The following TICRR variants were observed in gnomAD, a reference collection of about 807,000 sequenced individuals.
TICRR encodes TOPBP1 interacting checkpoint and replication regulator, also known as treslin.
In TICRR, 132 loss-of-function variants were observed where a neutral mutation model predicts 178.1. The observed-to-expected ratio is 0.74, with a 90% CI of 0.64 to 0.86. The LOEUF is 0.86. TICRR is among the 40% of genes least tolerant of loss of function. TICRR has a pLI of 0.00. For synonymous variants in TICRR, 991 were observed against 900.7 expected (o/e 1.10, Z -1.79); for missense variants, 2,587 against 2,334.3 (o/e 1.11, Z -2.23).
intron 5 of TICRR, 43 bp from the exon 6 acceptor site, chr15:89,594,372 A>G: frequency 6.7e-7 from 1 of 1,497,972 alleles, no homozygotes; most frequent in Non-Finnish European, 9.0e-7. Flanking sequence ...GCATTTTGCA[A>G]AATTAGAATG....
At chr15:89,613,926 G>C (rs1258566616) in intron 15 of TICRR, among the ~76,000 whole-genome samples, 3 of 151,848 alleles carry the variant, frequency 2.0e-5, no homozygotes, top group Admixed American at 6.6e-5. Flanking sequence ...AGGCCAAGGC[G>C]GGTGGATCAC....
chr15:89,611,000 G>A (rs1319741347), intron 15 of TICRR, among the ~76,000 whole-genome samples: 1 of 151,080 alleles, frequency 6.6e-6, no homozygotes, highest in Non-Finnish European at 1.5e-5. Context: ...GTTGTAGACT[G>A]CATCTTTATA....
At chr15:89,586,942 C>T (rs1056104746) in intron 4 of TICRR, among the ~76,000 whole-genome samples, 1 of 152,050 alleles carries the variant, frequency 6.6e-6, no homozygotes, top group African/African-American at 2.4e-5. Flanking sequence ...CACCATCTGA[C>T]TTATGTTTTA....
chr15:89,625,889 G>T (rs199510924), intron 20 of TICRR, 47 bp from the exon 21 acceptor site: 158 of 1,543,698 alleles, frequency 1.0e-4, no homozygotes, highest in Middle Eastern at 3.8e-4. Context: ...TGGGCTTCCC[G>T]GTTGGGGGTC....
At chr15:89,606,230 C>T (rs1365123706) in intron 13 of TICRR, among the ~76,000 whole-genome samples, 3 of 152,116 alleles carry the variant, frequency 2.0e-5, no homozygotes, top group Admixed American at 2.0e-4. Flanking sequence ...CTTTTTCCTC[C>T]CTATCACAGA....
rs117535978 is a variant in TICRR at position 89,612,314 on chromosome 15, G to A, written c.2869+3365G>A. ...TTCAAGAAACGAGGAGGGGGAAGGT[G>A]TGTCTGTCCCTTAAACTTCTGATAA... On this transcript the variant is annotated intron_variant, in intron 15 of 21. Transcript: ENST00000268138. Among the ~76,000 whole-genome samples the A allele has an allele frequency of 1.7e-3, 261 of 152,292 alleles. 3 individuals are homozygous for A. In the East Asian group the frequency reaches 0.043, roughly 25 times the overall value.
Position 89,595,523 on chromosome 15 carries a change from G to A in TICRR, c.1812G>A (p.Gly604=), listed in dbSNP as rs1213076786. Reference sequence around the variant, plus strand: ...CAGATGGCAGTCCGGATGTGGCTGGGGAGAAAGGAATCCAAAAGATACCTA... The same window carrying A: ...CAGATGGCAGTCCGGATGTGGCTGGAGAGAAAGGAATCCAAAAGATACCTA... ...LHPDGSPDVA[G]EKGIQKIPSG... is the part of the protein sequence containing the mutation. Residue 604 remains glycine (G), a synonymous_variant, in exon 7 of 22, where the codon GGG becomes GGA. Coordinates refer to ENST00000268138, the MANE Select transcript of TICRR (RefSeq NM_152259.4). 5 of 1,614,152 alleles carry A rather than the reference G, an allele frequency of 3.1e-6. No individual in the cohort carries two copies. Among genetic ancestry groups the A allele is most frequent in the Admixed American group, 3.3e-5 (2 of 60,010 alleles).
chr15:89,581,420 GTT>G (rs1190883301), intron 1 of TICRR, among the ~76,000 whole-genome samples: 5 of 152,170 alleles, frequency 3.3e-5, no homozygotes, highest in African/African-American at 1.2e-4. Context: ...CTCAATAAAA[GTT>G]TGTTGACAGA....
intron 5 of TICRR, among the ~76,000 whole-genome samples, chr15:89,593,806 T>A (rs1962952080): frequency 6.6e-6 from 1 of 152,206 alleles, no homozygotes; most frequent in Non-Finnish European, 1.5e-5. Flanking sequence ...ACCGTAACTT[T>A]CTTGCACTTT....
rs764946546 is a variant in TICRR at position 89,584,339 on chromosome 15, C to A, written c.988C>A (p.His330Asn). 1 of 1,614,154 alleles carries A rather than the reference C, an allele frequency of 6.2e-7. No homozygotes were observed. The highest frequency in any genetic ancestry group is 1.1e-5 in the South Asian group (1 of 91,084). ...WTVTLEPLAM[H>N]QRHFQKPVRI... ...AGTCACCCTAGAGCCCTTGGCCATG[C>A]ATCAGAGACATTTTCAGAAACCAGT... The change falls in exon 3 of 22, where the codon CAT (histidine) becomes AAT (asparagine). Residue 330 changes from histidine to asparagine, a missense_variant. His to Asn is a moderately conservative substitution (Grantham distance 68). Transcript: ENST00000268138.
chr15:89,604,957 C>G (rs1488849482), intron 13 of TICRR, among the ~76,000 whole-genome samples: 1 of 152,030 alleles, frequency 6.6e-6, no homozygotes, highest in Non-Finnish European at 1.5e-5. Context: ...AGTGAACTTA[C>G]AACTTAAGCG....
intron 13 of TICRR, among the ~76,000 whole-genome samples, chr15:89,606,077 AT>A (rs1443985419): frequency 6.6e-6 from 1 of 152,228 alleles, no homozygotes; most frequent in African/African-American, 2.4e-5. Context: ...TTCTCCATCC[AT>A]TCATCAGAAG....
intron 13 of TICRR, among the ~76,000 whole-genome samples, chr15:89,603,725 C>A (rs192533266): frequency 2.0e-5 from 3 of 152,318 alleles, no homozygotes. Context: ...ATGCCTGAAA[C>A]CACAGATAGT....
chr15:89,583,259 G>A (rs1962762938), intron 2 of TICRR, among the ~76,000 whole-genome samples: 2 of 152,238 alleles, frequency 1.3e-5, no homozygotes, highest in East Asian at 1.9e-4. Context: ...CAAGCACATG[G>A]GTATACGATT....
chr15:89,592,723 C>T (rs967250296), intron 5 of TICRR, among the ~76,000 whole-genome samples: 6 of 152,122 alleles, frequency 3.9e-5, no homozygotes, highest in African/African-American at 1.4e-4. Flanking sequence ...TAATCTATAG[C>T]AAGATCAAGC....
rs75330530 is a variant in TICRR, at chr15:89,613,519, T to C, written c.2870-2886T>C. Among the ~76,000 whole-genome samples the C allele has an allele frequency of 6.8e-3, 1,031 of 152,312 alleles. 9 individuals carry two copies. The highest frequency in any genetic ancestry group is 0.011 in the Non-Finnish European group (751 of 68,028). On this transcript the variant is annotated intron_variant, in intron 15 of 21. Coordinates refer to ENST00000268138, the MANE Select transcript of TICRR (RefSeq NM_152259.4). Reference sequence around the variant, plus strand: ...TGTTCTTTCTGCCTCTTCCTTTCTGTCCTTTCCTTCTGGACTTCCGGTATG... The same window carrying C: ...TGTTCTTTCTGCCTCTTCCTTTCTGCCCTTTCCTTCTGGACTTCCGGTATG...
At chr15:89,600,718 CTCTAA>C (rs1963079609) in intron 9 of TICRR, 33 bp downstream of exon 9, 3 of 1,058,930 alleles carry the variant, frequency 2.8e-6, no homozygotes, top group Non-Finnish European at 4.2e-6. Flanking sequence ...AAAATCATCA[CTCTAA>C]AAGCTGTGAG....
chr15:89,591,916 A>G, intron 4 of TICRR, 131 bp from the exon 5 acceptor site: 2 of 708,004 alleles, frequency 2.8e-6, no homozygotes, highest in East Asian at 2.8e-5. Flanking sequence ...CCGGAGAACA[A>G]ATGTTAACTG....
chr15:89,594,646 G>A, intron 6 of TICRR, 92 bp downstream of exon 6: 1 of 1,198,900 alleles, frequency 8.3e-7, no homozygotes, highest in East Asian at 2.7e-5. Flanking sequence ...GGTTGAAATG[G>A]TAACTAAATA....
Sources: gnomAD v4.1 joint callset for allele counts (sites outside exome capture counted in the v4.1 genomes callset) on GRCh38, gnomAD v4.1.1 for gene constraint, MANE v1.5 for transcripts, NCBI Gene and HGNC (gene_info 2026-07-23, HGNC 2026-07-21) for gene names.